Variants in ITFG1 observed in about 807,000 individuals in gnomAD.
ITFG1 encodes the protein integrin alpha FG-GAP repeat containing 1.
ITFG1 carries 34 observed loss-of-function variants against 81.8 expected under a neutral mutation model. The observed-to-expected ratio is 0.42, with a 90% confidence interval of 0.32 to 0.55. The LOEUF (loss-of-function observed/expected upper bound fraction) is 0.55, where lower values mean the gene tolerates loss of function less well. Ranked by LOEUF, ITFG1 falls within the 20% of genes least tolerant of loss-of-function variation. The probability of loss-of-function intolerance (pLI) is 0.17; values close to 1 mark genes in which losing one functional copy is unlikely to be tolerated. For synonymous variants in ITFG1, 285 were observed against 270.6 expected (o/e 1.05, Z -0.52); for missense variants, 672 against 755.4 (o/e 0.89, Z 1.29).
chr16:47,184,064 G>C (rs1965173452), intron 14 of ITFG1, among the ~76,000 whole-genome samples: 1 of 152,048 alleles, frequency 6.6e-6, no homozygotes, highest in Non-Finnish European at 1.5e-5. Flanking sequence ...GAAGCGAGAA[G>C]GGAAGTTTAG....
chr16:47,183,887 G>C (rs1013982853), intron 14 of ITFG1, among the ~76,000 whole-genome samples: 37 of 152,010 alleles, frequency 2.4e-4, no homozygotes, highest in Non-Finnish European at 1.5e-4. Context: ...TGAAAACTTT[G>C]AAAAAAATTT....
Position 47,249,902 on chromosome 16 carries a change from G to A in ITFG1, c.1330+8730C>T, listed in dbSNP as rs549751443. Among the ~76,000 whole-genome samples the A allele has an allele frequency of 7.7e-4, 118 of 152,276 alleles. 1 individual carries two copies. Among genetic ancestry groups the A allele is most frequent in the African/African-American group, 2.4e-3 (101 of 41,548 alleles). On this transcript the variant is annotated intron_variant, in intron 12 of 17. Coordinates refer to ENST00000320640, the MANE Select transcript of ITFG1 (RefSeq NM_030790.5). ...ATAAATACTGTAACACTAAGCCAAC[G>A]TGCAGGTTGGGAGAAGGATGAGTTA...
intron 7 of ITFG1, among the ~76,000 whole-genome samples, chr16:47,367,843 G>A (rs1968197131): frequency 6.6e-6 from 1 of 152,076 alleles, no homozygotes; most frequent in Non-Finnish European, 1.5e-5. Context: ...TAAGCCTCAG[G>A]CTTTCCCTCC....
intron 5 of ITFG1, among the ~76,000 whole-genome samples, chr16:47,447,746 G>C (rs1264802365): frequency 6.6e-6 from 1 of 152,080 alleles, no homozygotes; most frequent in Non-Finnish European, 1.5e-5. Context: ...CACCATATAA[G>C]TCATCTGCTA....
At chr16:47,264,044 T>C (rs1235706767) in intron 10 of ITFG1, among the ~76,000 whole-genome samples, 1 of 152,198 alleles carries the variant, frequency 6.6e-6, no homozygotes, top group Non-Finnish European at 1.5e-5. Context: ...AGTTTCTCTA[T>C]GTGTTCTTGG....
intron 6 of ITFG1, among the ~76,000 whole-genome samples, chr16:47,404,232 C>T (rs1302606595): frequency 3.3e-5 from 5 of 152,098 alleles, no homozygotes; most frequent in Non-Finnish European, 5.9e-5. Context: ...GCACTTATTA[C>T]TGGGAGCCTT....
chr16:47,301,678 G>A (rs910747529), intron 10 of ITFG1, among the ~76,000 whole-genome samples: 12 of 152,182 alleles, frequency 7.9e-5, no homozygotes, highest in South Asian at 6.2e-4. Context: ...TTACAGGCGT[G>A]AGCCATCGTG....
At chr16:47,158,749 T>C in intron 17 of ITFG1, 124 bp downstream of exon 17, 1 of 539,426 alleles carries the variant, frequency 1.9e-6, no homozygotes, top group Non-Finnish European at 3.3e-6. Context: ...GAACAGAACT[T>C]GAAAAATGAT....
chr16:47,360,209 A>C (rs147442815), intron 8 of ITFG1, among the ~76,000 whole-genome samples: 4 of 152,234 alleles, frequency 2.6e-5, no homozygotes, highest in Admixed American at 2.6e-4. Context: ...TTTGAAGAAT[A>C]TCAAAGTATT....
chr16:47,428,564 A>C lies in ITFG1; in HGVS notation c.655+240T>G, dbSNP rs1358588850. Among the ~76,000 whole-genome samples, 4 of 152,338 alleles carry C rather than the reference A, an allele frequency of 2.6e-5. No individual in the cohort carries two copies. In the East Asian group the frequency reaches 7.7e-4, roughly 29 times the overall value. On this transcript the variant is annotated intron_variant, in intron 6 of 17. Coordinates refer to ENST00000320640, the MANE Select transcript of ITFG1 (RefSeq NM_030790.5). ...GTGCTGAAATTATCATGAATTCATA[A>C]AAAGTAGAGAATTCAAATTCTGAGG...
At chr16:47,441,260 G>A (rs977634284) in intron 5 of ITFG1, among the ~76,000 whole-genome samples, 21 of 152,202 alleles carry the variant, frequency 1.4e-4, no homozygotes, top group Admixed American at 2.0e-4. Context: ...ACAAGGAGGA[G>A]CTGGTAACAT....
At chr16:47,314,642 T>C (rs2151565905) in intron 8 of ITFG1, among the ~76,000 whole-genome samples, 1 of 152,328 alleles carries the variant, frequency 6.6e-6, no homozygotes, top group East Asian at 1.9e-4. Context: ...TCCCATCTAA[T>C]GTCCCTGCTA....
At chr16:47,178,200 T>C (rs887026178) in intron 14 of ITFG1, among the ~76,000 whole-genome samples, 1 of 152,214 alleles carries the variant, frequency 6.6e-6, no homozygotes, top group Non-Finnish European at 1.5e-5. Flanking sequence ...AAAAAGAACA[T>C]AGCAGCTGGG....
At chr16:47,241,192 T>C (rs957562251) in intron 12 of ITFG1, among the ~76,000 whole-genome samples, 1 of 152,240 alleles carries the variant, frequency 6.6e-6, no homozygotes, top group Non-Finnish European at 1.5e-5. Flanking sequence ...CATACATTTC[T>C]GATGGAAATG....
chr16:47,381,836 T>C (rs183118476), intron 6 of ITFG1, among the ~76,000 whole-genome samples: 1 of 152,348 alleles, frequency 6.6e-6, no homozygotes, highest in Admixed American at 6.5e-5. Context: ...AATTGCATTC[T>C]GTAGCTCAGA....
chr16:47,234,462 AAGAG>A (rs1431013065), intron 13 of ITFG1, among the ~76,000 whole-genome samples: 1 of 152,204 alleles, frequency 6.6e-6, no homozygotes, highest in Non-Finnish European at 1.5e-5. Context: ...AAGAAGAAGA[AAGAG>A]AGAAAGGCAA....
chr16:47,303,667 A>C (rs1277448144), intron 10 of ITFG1, among the ~76,000 whole-genome samples: 1 of 152,208 alleles, frequency 6.6e-6, no homozygotes, highest in East Asian at 1.9e-4. Flanking sequence ...TCTGTCACCC[A>C]GGCTGGAATG....
chr16:47,241,683 C>T lies in ITFG1; in HGVS notation c.1331-3675G>A, dbSNP rs147366354. On this transcript the variant is annotated intron_variant, in intron 12 of 17. Coordinates refer to ENST00000320640, the MANE Select transcript of ITFG1 (RefSeq NM_030790.5). ...TAAGAGTGACAGACAAGGCCGGGCG[C>T]GGTGGCTCATGCCTGTAATCCCAGC... 7.1e-3 allele frequency among the ~76,000 whole-genome samples: 1,080 copies of T among 152,180 alleles called. 15 individuals are homozygous for T. The highest frequency in any genetic ancestry group is 0.025 in the African/African-American group (1,035 of 41,530).
At chr16:47,243,754 G>A (rs1008700440) in intron 12 of ITFG1, among the ~76,000 whole-genome samples, 1 of 152,180 alleles carries the variant, frequency 6.6e-6, no homozygotes, top group African/African-American at 2.4e-5. Context: ...TTAAAAGTAT[G>A]TGTTGGGCTG....
Sources: gnomAD v4.1 joint callset for allele counts (sites outside exome capture counted in the v4.1 genomes callset) on GRCh38, gnomAD v4.1.1 for gene constraint, MANE v1.5 for transcripts, NCBI Gene and HGNC (gene_info 2026-07-23, HGNC 2026-07-21) for gene names.